The following SPATA16 variants were observed in gnomAD, a reference collection of about 807,000 sequenced individuals.
SPATA16 encodes the protein spermatogenesis associated 16, also known as spermatogenesis-associated protein 16.
Under a neutral mutation model 63.3 loss-of-function variants are expected in SPATA16, and 36 were observed. The ratio of observed to expected loss-of-function variants is 0.57; its 90% CI spans 0.44 to 0.75. SPATA16 has a LOEUF of 0.75. Among genes scored for constraint, SPATA16 ranks in the 30% least tolerant of loss-of-function variants. SPATA16 has a pLI of 0.00. For missense variants in SPATA16, 646 were observed against 679.3 expected (o/e 0.95, Z 0.54); for synonymous variants, 203 against 216.7 (o/e 0.94, Z 0.56).
intron 3 of SPATA16, among the ~76,000 whole-genome samples, chr3:173,026,516 C>A (rs904590235): frequency 6.6e-6 from 1 of 151,542 alleles, no homozygotes; most frequent in Non-Finnish European, 1.5e-5. Context: ...TTGCTTAATC[C>A]AAGGTGACAA....
At chr3:173,131,664 C>T (rs75911859) in intron 1 of SPATA16, among the ~76,000 whole-genome samples, 5,294 of 152,186 alleles carry the variant, frequency 0.035, 133 homozygotes, top group Non-Finnish European at 0.059. Context: ...TGCGGTCTTA[C>T]GAGACAAGGA....
intron 2 of SPATA16, among the ~76,000 whole-genome samples, chr3:173,067,583 C>T (rs529048278): frequency 2.2e-4 from 33 of 151,750 alleles, no homozygotes; most frequent in South Asian, 4.2e-4. Flanking sequence ...CGCATACCCC[C>T]GAACCTAAAA....
intron 2 of SPATA16, among the ~76,000 whole-genome samples, 163 bp from the exon 3 acceptor site, chr3:173,049,257 C>T (rs1414724581): frequency 6.6e-6 from 1 of 152,042 alleles, no homozygotes; most frequent in Non-Finnish European, 1.5e-5. Context: ...TTCCAAACTA[C>T]AAGTAAAATA....
At chr3:173,030,779 C>T (rs1039856435) in intron 3 of SPATA16, among the ~76,000 whole-genome samples, 1 of 152,020 alleles carries the variant, frequency 6.6e-6, no homozygotes, top group African/African-American at 2.4e-5. Flanking sequence ...TTTGTATCCT[C>T]ATGTTCAAAG....
intron 6 of SPATA16, among the ~76,000 whole-genome samples, chr3:172,927,800 C>T (rs1447347501): frequency 6.6e-6 from 1 of 152,190 alleles, no homozygotes; most frequent in African/African-American, 2.4e-5. Flanking sequence ...TGCCAGTAAA[C>T]ACTCTCTATC....
intron 5 of SPATA16, among the ~76,000 whole-genome samples, chr3:172,967,633 A>G (rs1396143375): frequency 6.6e-6 from 1 of 152,186 alleles, no homozygotes; most frequent in Non-Finnish European, 1.5e-5. Flanking sequence ...AAGAAGCTTT[A>G]TCTGTATTTA....
chr3:173,019,327 G>A (rs1008577240), intron 4 of SPATA16, among the ~76,000 whole-genome samples, 159 bp downstream of exon 4: 2 of 152,176 alleles, frequency 1.3e-5, no homozygotes, highest in African/African-American at 4.8e-5. Context: ...TAAAGAGAAA[G>A]ATAGTCAATA....
intron 6 of SPATA16, among the ~76,000 whole-genome samples, chr3:172,934,642 A>T (rs1001855928): frequency 1.3e-5 from 2 of 152,164 alleles, no homozygotes; most frequent in Non-Finnish European, 2.9e-5. Context: ...ATGATAATTT[A>T]AAAACAAAGA....
At chr3:173,100,660 GCACACACACACACACACACACACA>G (rs3980195) in intron 2 of SPATA16, among the ~76,000 whole-genome samples, 4 of 134,072 alleles carry the variant, frequency 3.0e-5, no homozygotes, top group African/African-American at 8.2e-5. Context: ...CACATAAACA[GCACACACACACACACACACACACA>G]CACACACACA....
chr3:173,075,559 G>A (rs1736780057), intron 2 of SPATA16, among the ~76,000 whole-genome samples: 1 of 152,172 alleles, frequency 6.6e-6, no homozygotes, highest in African/African-American at 2.4e-5. Context: ...TAAAGAAAAT[G>A]TGGTACATAT....
At chr3:172,997,822 TCCAGTGGTTTCAGC>T (rs998064010) in intron 4 of SPATA16, among the ~76,000 whole-genome samples, 4 of 152,154 alleles carry the variant, frequency 2.6e-5, no homozygotes, top group Non-Finnish European at 5.9e-5. Context: ...CATCTGCATG[TCCAGTGGTTTCAGC>T]CCATTTGTTG....
intron 4 of SPATA16, among the ~76,000 whole-genome samples, chr3:173,015,951 AAC>A (rs1225640456): frequency 6.6e-6 from 1 of 152,000 alleles, no homozygotes; most frequent in Non-Finnish European, 1.5e-5. Flanking sequence ...ATTCTATGTC[AAC>A]ACAGATTTTT....
chr3:173,139,843 G>C (rs1738658620), intron 1 of SPATA16, among the ~76,000 whole-genome samples: 1 of 152,158 alleles, frequency 6.6e-6, no homozygotes, highest in Non-Finnish European at 1.5e-5. Flanking sequence ...AAATTAGCTG[G>C]GTGTGGTGGC....
In SPATA16 at chr3:172,983,748, A is replaced by C. The variant is rs561937052; in HGVS notation, c.849-6696T>G. Among the ~76,000 whole-genome samples the C allele has an allele frequency of 2.8e-3, 430 of 151,502 alleles. 2 individuals carry two copies. Among genetic ancestry groups the C allele is most frequent in the African/African-American group, 0.01 (420 of 41,300 alleles). On this transcript the variant is annotated intron_variant, in intron 4 of 10. Transcript: ENST00000351008. ...TCATTCAAGCCAACACACACACACA[A>C]ACACACACACTCACACACACACACA...
Position 172,895,273 on chromosome 3 carries a change from C to G in SPATA16, c.1588-5581G>C, listed in dbSNP as rs1053145215. Among the ~76,000 whole-genome samples, 6 of 152,276 alleles carry G rather than the reference C, an allele frequency of 3.9e-5. No individual in the cohort carries two copies. In the East Asian group the frequency reaches 1.2e-3, roughly 29 times the overall value. ...TACCTTTTTATAACCATCTGTTTTC[C>G]TCCTGGTCCCTAACCTCTTCTTAAG... On this transcript the variant is annotated intron_variant, in intron 10 of 10. Transcript: ENST00000351008.
rs1457596781 is a variant in SPATA16 at position 173,051,347 on chromosome 3, CAA to C, written c.613-2255_613-2254del. On this transcript the variant is annotated intron_variant, in intron 2 of 10. Transcript: ENST00000351008. ...CCTCCCAAGTAGTTGGGATTACAGG[CAA>C]GTGCCACCACGCCCGGCTAATTTTT... 3.3e-3 allele frequency among the ~76,000 whole-genome samples: 508 copies of C among 152,254 alleles called. 5 individuals are homozygous for C. The highest frequency in any genetic ancestry group is 0.011 in the African/African-American group (461 of 41,552).
chr3:173,057,246 G>A (rs2108298490), intron 2 of SPATA16, among the ~76,000 whole-genome samples: 1 of 151,832 alleles, frequency 6.6e-6, no homozygotes, highest in East Asian at 1.9e-4. Context: ...TGAGTAGCTG[G>A]GACTACAGGT....
intron 10 of SPATA16, among the ~76,000 whole-genome samples, chr3:172,904,287 A>G (rs748205791): frequency 6.6e-6 from 1 of 152,200 alleles, no homozygotes; most frequent in Admixed American, 6.5e-5. Context: ...GCTTGTTCCA[A>G]TTGTGATAGT....
chr3:173,074,016 T>G (rs1336042930), intron 2 of SPATA16, among the ~76,000 whole-genome samples: 1 of 152,222 alleles, frequency 6.6e-6, no homozygotes, highest in Non-Finnish European at 1.5e-5. Context: ...AAGATTTGAC[T>G]GCCCTGCTGG....
Sources: allele counts gnomAD v4.1 joint callset (sites outside exome capture counted in the v4.1 genomes callset), GRCh38; gene constraint gnomAD v4.1.1; transcripts MANE v1.5; gene names NCBI Gene and HGNC (gene_info 2026-07-23, HGNC 2026-07-21).